SAMD12: variants seen among roughly 807,000 people sequenced by gnomAD.
SAMD12 encodes sterile alpha motif domain-containing protein 12.
A neutral mutation model predicts 15.0 loss-of-function variants in SAMD12; 9 were observed. The ratio of observed to expected loss-of-function variants is 0.60; its 90% CI spans 0.36 to 1.05. The LOEUF is 1.05. SAMD12 is among the 50% of genes least tolerant of loss of function. The pLI is 0.01. For missense variants in SAMD12, 230 were observed against 234.2 expected (o/e 0.98, Z 0.12); for synonymous variants, 86 against 90.1 (o/e 0.96, Z 0.25).
At chr8:118,393,003 G>T (rs1820365375) in intron 3 of SAMD12, among the ~76,000 whole-genome samples, 1 of 152,088 alleles carries the variant, frequency 6.6e-6, no homozygotes, top group Admixed American at 6.6e-5. Context: ...CAGTAATAGG[G>T]GTTTATAGGA....
At chr8:118,606,263 C>T (rs1563608878) in intron 1 of SAMD12, among the ~76,000 whole-genome samples, 1 of 152,050 alleles carries the variant, frequency 6.6e-6, no homozygotes, top group Non-Finnish European at 1.5e-5. Flanking sequence ...CTGTGCCATC[C>T]CTTCCAATCA....
At chr8:118,501,134 G>A (rs1318333914) in intron 2 of SAMD12, among the ~76,000 whole-genome samples, 9 of 152,172 alleles carry the variant, frequency 5.9e-5, no homozygotes, top group African/African-American at 4.8e-5. Flanking sequence ...AATCTAGCAT[G>A]AGCTGTTCTA....
rs923817456 is a variant in SAMD12, at chr8:118,238,145, C to T, written c.434-40413G>A. On this transcript the variant is annotated intron_variant, in intron 4 of 4. Transcript: ENST00000409003. ...ATACTTCATTAAGCTTCTGTTTCCTCATCTATAAAATGGGGGTAGTAATAA... is the reference window on the plus strand; with the variant it reads ...ATACTTCATTAAGCTTCTGTTTCCTTATCTATAAAATGGGGGTAGTAATAA... Among the ~76,000 whole-genome samples, 3 of 152,040 alleles carry T rather than the reference C, an allele frequency of 2.0e-5. No homozygotes were observed. In the South Asian group the frequency reaches 6.2e-4, roughly 32 times the overall value.
intron 2 of SAMD12, among the ~76,000 whole-genome samples, chr8:118,531,434 C>T (rs1372359021): frequency 6.6e-6 from 1 of 152,048 alleles, no homozygotes; most frequent in South Asian, 2.1e-4. Flanking sequence ...TCCATATGAA[C>T]TTTACAGTAG....
intron 3 of SAMD12, among the ~76,000 whole-genome samples, chr8:118,421,363 T>C (rs2130844828): frequency 6.6e-6 from 1 of 152,330 alleles, no homozygotes; most frequent in African/African-American, 2.4e-5. Flanking sequence ...AATTGTTCAA[T>C]ATTGGCAATT....
the SAMD12 span, among the ~76,000 whole-genome samples, chr8:118,164,389 G>T: frequency 6.6e-6 from 1 of 152,050 alleles, no homozygotes; most frequent in Non-Finnish European, 1.5e-5. Flanking sequence ...GTCAAGGGTC[G>T]CCTCAAGCAA....
At chr8:118,525,716 T>C (rs1378953739) in intron 2 of SAMD12, among the ~76,000 whole-genome samples, 3 of 152,224 alleles carry the variant, frequency 2.0e-5, no homozygotes, top group African/African-American at 2.4e-5. Context: ...TTGAAATGTC[T>C]TTGACATTTC....
chr8:118,440,067 AG>A, intron 2 of SAMD12, 106 bp from the exon 3 acceptor site: 1 of 1,100,232 alleles, frequency 9.1e-7, no homozygotes, highest in South Asian at 1.5e-5. Flanking sequence ...GATTCCCTGA[AG>A]ATAAATATCT....
At chr8:118,135,042 T>C in the SAMD12 span, among the ~76,000 whole-genome samples, 1 of 152,150 alleles carries the variant, frequency 6.6e-6, no homozygotes, top group Non-Finnish European at 1.5e-5. Flanking sequence ...CACACAGAAG[T>C]GACTGGAGGA....
intron 4 of SAMD12, among the ~76,000 whole-genome samples, chr8:118,342,604 G>C (rs1358909432): frequency 6.6e-6 from 1 of 152,172 alleles, no homozygotes; most frequent in Non-Finnish European, 1.5e-5. Context: ...TGGAAGTACT[G>C]ACTTAATGCC....
intron 3 of SAMD12, among the ~76,000 whole-genome samples, chr8:118,418,076 C>T (rs183594469): frequency 5.9e-4 from 90 of 152,286 alleles, no homozygotes; most frequent in Admixed American, 9.2e-4. Flanking sequence ...CCTATTCCTT[C>T]GTGCCTACCG....
At chr8:118,298,423 AT>A (rs997785652) in intron 4 of SAMD12, among the ~76,000 whole-genome samples, 23 of 152,212 alleles carry the variant, frequency 1.5e-4, no homozygotes, top group Admixed American at 4.6e-4. Flanking sequence ...ATATTTAAGA[AT>A]TTTTTTTAAA....
At chr8:118,444,700 A>T (rs1296813292) in intron 2 of SAMD12, among the ~76,000 whole-genome samples, 5 of 152,244 alleles carry the variant, frequency 3.3e-5, no homozygotes, top group Non-Finnish European at 7.3e-5. Flanking sequence ...TAAGTAACAG[A>T]ATAATTAAAT....
At chr8:118,592,103 C>T (rs1330588067) in intron 1 of SAMD12, among the ~76,000 whole-genome samples, 5 of 152,068 alleles carry the variant, frequency 3.3e-5, no homozygotes, top group African/African-American at 1.2e-4. Flanking sequence ...GGGTGGATCA[C>T]CTGAGGTCGG....
At chr8:118,394,881 T>C (rs2130767381) in intron 3 of SAMD12, 1 of 152,286 alleles carries the variant, frequency 6.6e-6, no homozygotes, top group Admixed American at 6.5e-5. Flanking sequence ...CTCCTGAAGA[T>C]TGGGAAGGGC....
At chr8:118,133,731 A>C in the SAMD12 span, among the ~76,000 whole-genome samples, 1 of 151,834 alleles carries the variant, frequency 6.6e-6, no homozygotes, top group East Asian at 1.9e-4. Context: ...ATTGAAGTCT[A>C]CCTTAAAAGT....
intron 2 of SAMD12, among the ~76,000 whole-genome samples, chr8:118,565,535 CTT>C (rs1826823507): frequency 6.6e-6 from 1 of 152,214 alleles, no homozygotes; most frequent in South Asian, 2.1e-4. Context: ...TTTCTACATT[CTT>C]TGTCACATGC....
intron 3 of SAMD12, among the ~76,000 whole-genome samples, chr8:118,394,475 C>T (rs916148101): frequency 1.3e-5 from 2 of 152,160 alleles, no homozygotes; most frequent in Non-Finnish European, 2.9e-5. Context: ...TATGTATTGC[C>T]AAAATCCTGG....
the SAMD12 span, among the ~76,000 whole-genome samples, chr8:118,151,825 G>A: frequency 8.6e-6 from 1 of 116,564 alleles, no homozygotes; most frequent in Non-Finnish European, 1.9e-5. Flanking sequence ...CAGAGACTCT[G>A]TCTCAAAAAA....
Sources: gnomAD v4.1 joint callset for allele counts (sites outside exome capture counted in the v4.1 genomes callset) on GRCh38, gnomAD v4.1.1 for gene constraint, MANE v1.5 for transcripts, NCBI Gene and HGNC (gene_info 2026-07-23, HGNC 2026-07-21) for gene names.